The following OCA2 variants were observed in gnomAD, a reference collection of about 807,000 sequenced individuals.
OCA2 encodes P protein.
Under a neutral mutation model 100.2 loss-of-function variants are expected in OCA2, and 77 were observed. That is an observed-to-expected ratio of 0.77 (90% confidence interval 0.64 to 0.93). The LOEUF is 0.93. OCA2 is among the 40% of genes least tolerant of loss of function. The pLI is 0.00. For missense variants in OCA2, 1,062 were observed against 1,089.1 expected (o/e 0.98, Z 0.35); for synonymous variants, 432 against 439.2 (o/e 0.98, Z 0.21).
At chr15:27,910,059 C>T (rs1313893393) in intron 19 of OCA2, among the ~76,000 whole-genome samples, 1 of 151,266 alleles carries the variant, frequency 6.6e-6, no homozygotes, top group Non-Finnish European at 1.5e-5. Context: ...CATGAATGCA[C>T]AATTAACCAA....
intron 18 of OCA2, among the ~76,000 whole-genome samples, chr15:27,931,904 T>C (rs2039265474): frequency 6.6e-6 from 1 of 152,210 alleles, no homozygotes; most frequent in African/African-American, 2.4e-5. Flanking sequence ...CCTGTTCATC[T>C]GGTCCTCACT....
chr15:27,999,117 T>C (rs2041847910), intron 9 of OCA2, among the ~76,000 whole-genome samples: 1 of 151,794 alleles, frequency 6.6e-6, no homozygotes, highest in Non-Finnish European at 1.5e-5. Context: ...AGTTAATGGG[T>C]GCAGCACACC....
At chr15:27,769,186 C>T (rs561037678) in intron 23 of OCA2, among the ~76,000 whole-genome samples, 83 of 152,312 alleles carry the variant, frequency 5.4e-4, no homozygotes, top group African/African-American at 1.8e-3. Context: ...CATCTCCCTC[C>T]GGGGTGATTT....
chr15:27,874,479 G>A (rs1290287660), intron 19 of OCA2, among the ~76,000 whole-genome samples: 1 of 152,148 alleles, frequency 6.6e-6, no homozygotes, highest in Non-Finnish European at 1.5e-5. Flanking sequence ...AGGCCCTCAG[G>A]AATCCCACAG....
At chr15:27,985,312 T>C in intron 12 of OCA2, 124 bp from the exon 13 acceptor site, 1 of 1,169,384 alleles carries the variant, frequency 8.6e-7, no homozygotes. Context: ...GGTTAAGACA[T>C]AGACCCACGG....
At chr15:27,734,342 A>G in the OCA2 span, among the ~76,000 whole-genome samples, 2 of 151,384 alleles carry the variant, frequency 1.3e-5, no homozygotes, top group Admixed American at 6.6e-5. Context: ...TAGCACAGTC[A>G]TAAGAAAGAA....
intron 6 of OCA2, among the ~76,000 whole-genome samples, chr15:28,019,340 G>A (rs539869413): frequency 1.3e-4 from 15 of 119,010 alleles, no homozygotes; most frequent in African/African-American, 1.7e-4. Flanking sequence ...AAAGGAGAGC[G>A]GGAGACAAGG....
chr15:27,823,334 G>A (rs72710524), intron 23 of OCA2, among the ~76,000 whole-genome samples: 5,643 of 152,294 alleles, frequency 0.037, 165 homozygotes, highest in Admixed American at 0.074. Flanking sequence ...AAGAGGGAAG[G>A]AAGGAAAGAA....
At chr15:27,768,866 T>C (rs529722901) in intron 23 of OCA2, among the ~76,000 whole-genome samples, 2 of 152,336 alleles carry the variant, frequency 1.3e-5, no homozygotes, top group Admixed American at 6.5e-5. Context: ...GGCCTGTTTC[T>C]TCTGGGGCCG....
chr15:27,894,935 T>A (rs972927818), intron 19 of OCA2, among the ~76,000 whole-genome samples: 1 of 152,226 alleles, frequency 6.6e-6, no homozygotes, highest in African/African-American at 2.4e-5. Context: ...ACCTTTTGCC[T>A]GGACCTTGCA....
At chr15:27,862,163 C>T (rs1358591547) in intron 21 of OCA2, among the ~76,000 whole-genome samples, 2 of 151,114 alleles carry the variant, frequency 1.3e-5, no homozygotes, top group Non-Finnish European at 2.9e-5. Context: ...AAAGCGCGGT[C>T]GTCAGCCTCG....
At chr15:27,726,335 AT>A in the OCA2 span, among the ~76,000 whole-genome samples, 1 of 145,596 alleles carries the variant, frequency 6.9e-6, no homozygotes, top group Non-Finnish European at 1.5e-5. Flanking sequence ...AAATAAATAA[AT>A]AAATAAAAAT....
At chr15:27,898,085 T>G (rs1310804618) in intron 19 of OCA2, among the ~76,000 whole-genome samples, 1 of 152,206 alleles carries the variant, frequency 6.6e-6, no homozygotes, top group South Asian at 2.1e-4. Context: ...AGTAACTAAC[T>G]TGCTTTTGAT....
chr15:27,918,162 C>T (rs562166075), intron 19 of OCA2, among the ~76,000 whole-genome samples: 1 of 143,838 alleles, frequency 7.0e-6, no homozygotes, highest in Non-Finnish European at 1.5e-5. Flanking sequence ...GGCATGATCT[C>T]GACTCACTGA....
the OCA2 span, among the ~76,000 whole-genome samples, chr15:27,722,132 T>A: frequency 6.6e-6 from 1 of 152,212 alleles, no homozygotes; most frequent in Non-Finnish European, 1.5e-5. Flanking sequence ...TTACTGAAAC[T>A]CAGTAGGGAT....
chr15:27,940,012 C>T (rs1174341785), intron 18 of OCA2, among the ~76,000 whole-genome samples: 1 of 152,164 alleles, frequency 6.6e-6, no homozygotes, highest in Non-Finnish European at 1.5e-5. Flanking sequence ...CACAGAGCAG[C>T]CTGACCCTGA....
intron 18 of OCA2, among the ~76,000 whole-genome samples, chr15:27,944,458 T>C (rs952626618): frequency 6.6e-6 from 1 of 152,186 alleles, no homozygotes; most frequent in African/African-American, 2.4e-5. Flanking sequence ...AGTGTAGACA[T>C]AGAAGATTGC....
chr15:27,880,528 T>C (rs1231633213), intron 19 of OCA2, among the ~76,000 whole-genome samples: 1 of 152,200 alleles, frequency 6.6e-6, no homozygotes, highest in African/African-American at 2.4e-5. Flanking sequence ...CCTCTTTGTT[T>C]TCCTTGAGCA....
intron 14 of OCA2, among the ~76,000 whole-genome samples, chr15:27,981,813 T>C (rs1158190613): frequency 6.6e-6 from 1 of 152,202 alleles, no homozygotes; most frequent in African/African-American, 2.4e-5. Flanking sequence ...AGCTGTGTCC[T>C]CTCTGGACTC....
Sources: allele counts gnomAD v4.1 joint callset (sites outside exome capture counted in the v4.1 genomes callset), GRCh38; gene constraint gnomAD v4.1.1; transcripts MANE v1.5; gene names NCBI Gene and HGNC (gene_info 2026-07-23, HGNC 2026-07-21).